The following COG8 variants were observed in gnomAD, a reference collection of about 807,000 sequenced individuals.
COG8 encodes component of oligomeric golgi complex 8.
A neutral mutation model predicts 46.5 loss-of-function variants in COG8; 45 were observed. The ratio of observed to expected loss-of-function variants is 0.97; its 90% CI spans 0.76 to 1.24. COG8 has a LOEUF of 1.24. Ranked by LOEUF, COG8 falls within the 50% of genes most tolerant of loss-of-function variation. COG8 has a pLI of 0.00. For missense variants in COG8, 793 were observed against 820.8 expected, an observed-to-expected ratio of 0.97 and a Z score of 0.41; for synonymous variants, 407 against 347.8, an observed-to-expected ratio of 1.17 and a Z score of -1.90.
intron 5 of COG8, chr16:69,330,133 C>T (rs770141069): frequency 7.6e-6 from 12 of 1,570,956 alleles, no homozygotes; most frequent in South Asian, 6.9e-5. Context: ...GGGGGAAGGG[C>T]TCCATTTGGC....
At chr16:69,339,064 G>A in intron 1 of COG8, 112 bp downstream of exon 1, 2 of 1,450,138 alleles carry the variant, frequency 1.4e-6, no homozygotes, top group Non-Finnish European at 1.9e-6. Context: ...TTAATAAAGC[G>A]CTCAGCAGAG....
chr16:69,331,487 A>AG (rs946990476), intron 4 of COG8, among the ~76,000 whole-genome samples: 1 of 148,390 alleles, frequency 6.7e-6, no homozygotes, highest in African/African-American at 2.5e-5. Flanking sequence ...AGGAAATTTA[A>AG]GGGAAAAAAA....
At position 69,336,488 on chromosome 16, in the gene COG8, C is replaced by G. The variant is rs935020566; in HGVS notation, c.585+17G>C. ...ACAAGAACATTACTTTGAGTCCTCT[C>G]TGGGCAAGGTGGCTACCTGGATGAC... is the stretch of plus-strand genomic sequence containing the variant. On this transcript the variant is annotated intron_variant, in intron 2 of 5. Coordinates refer to ENST00000306875, the MANE Select transcript of COG8 (RefSeq NM_032382.5). 33 of 1,612,756 alleles carry G rather than the reference C, an allele frequency of 2.0e-5. No individual in the cohort carries two copies. The highest frequency in any genetic ancestry group is 4.5e-5 in the East Asian group (2 of 44,890).
In COG8 at chr16:69,336,722, AT is replaced by A; in HGVS notation, c.378-11del. 6.2e-7 allele frequency: 1 copy of A among 1,612,850 alleles called. No individual in the cohort carries two copies. Among genetic ancestry groups the A allele is most frequent in the Non-Finnish European group, 8.5e-7 (1 of 1,178,964 alleles). On this transcript the variant is annotated splice_polypyrimidine_tract_variant and intron_variant, in intron 1 of 5. Transcript: ENST00000306875. The stretch of plus-strand genomic sequence containing the variant: ...TTCCTTCACAAAGTTCCTAGTAATA[AT>A]CAGAAGAATGTTGATCCTTCACTGC...
chr16:69,337,975 G>A (rs986616007), intron 1 of COG8, among the ~76,000 whole-genome samples: 2 of 152,070 alleles, frequency 1.3e-5, no homozygotes, highest in Non-Finnish European at 2.9e-5. Context: ...CTCGTGATCC[G>A]CCTGCCTTGG....
chr16:69,332,307 GCCA>G (rs1222558187), intron 4 of COG8, among the ~76,000 whole-genome samples: 17 of 151,884 alleles, frequency 1.1e-4, no homozygotes, highest in African/African-American at 4.1e-4. Context: ...CCAAGACTGT[GCCA>G]CTGCACTCCA....
chr16:69,329,684 T>C (rs971825686), intron 5 of COG8, among the ~76,000 whole-genome samples: 2 of 152,168 alleles, frequency 1.3e-5, no homozygotes, highest in African/African-American at 4.8e-5. Context: ...CCCCCACTTC[T>C]CCAACTCCAC....
At chr16:69,337,403 T>C (rs1164714596) in intron 1 of COG8, among the ~76,000 whole-genome samples, 1 of 151,254 alleles carries the variant, frequency 6.6e-6, no homozygotes, top group African/African-American at 2.4e-5. Flanking sequence ...AAAGTAAAAA[T>C]AGTAAAAGAG....
intron 5 of COG8, 47 bp from the exon 6 acceptor site, chr16:69,329,226 A>G (rs1274181361): frequency 6.6e-7 from 1 of 1,514,222 alleles, no homozygotes; most frequent in Non-Finnish European, 8.8e-7. Context: ...GCTGAACTGC[A>G]TCATCCTCAA....
chr16:69,337,470 C>T (rs932023399), intron 1 of COG8, among the ~76,000 whole-genome samples: 2 of 152,250 alleles, frequency 1.3e-5, no homozygotes, highest in South Asian at 2.1e-4. Flanking sequence ...GCACTAACTG[C>T]CTAGAATCCA....
Position 69,335,302 on chromosome 16 carries a change from T to C in COG8, c.632A>G (p.Gln211Arg). 6.2e-7 allele frequency: 1 copy of C among 1,610,820 alleles called. No individual in the cohort carries two copies. Among genetic ancestry groups the C allele is most frequent in the Non-Finnish European group, 8.5e-7 (1 of 1,179,528 alleles). Residue 211 changes from glutamine (Q) to arginine (R), a missense_variant, in exon 3 of 6, where the codon CAG (glutamine) becomes CGG (arginine). Gln to Arg is a conservative substitution (Grantham distance 43). Coordinates refer to ENST00000306875, the MANE Select transcript of COG8 (RefSeq NM_032382.5). ...GTTGGTCCTCAGTTGCTGGATCAGCTGGCTCAGCATCAGCTGCATGGACTG... is the reference window on the plus strand; with the variant it reads ...GTTGGTCCTCAGTTGCTGGATCAGCCGGCTCAGCATCAGCTGCATGGACTG... Reference protein sequence around the residue: ...VRQSMQLMLSQLIQQLRTNIQ... With the variant: ...VRQSMQLMLSRLIQQLRTNIQ...
At chr16:69,333,976 C>T (rs78258413) in intron 3 of COG8, among the ~76,000 whole-genome samples, 2,111 of 152,316 alleles carry the variant, frequency 0.014, 49 homozygotes, top group African/African-American at 0.049. Flanking sequence ...GAGAGTAGCT[C>T]TCCTGCTGGC....
chr16:69,332,728 A>G lies in COG8; in HGVS notation c.1568T>C (p.Ile523Thr), dbSNP rs755033921. Residue 523 changes from isoleucine to threonine, a missense_variant, in exon 4 of 6, where the codon ATA becomes ACA. Transcript: ENST00000306875. ...CATTCTCTTACCTAAAGTCTGTGCT[A>G]TCTGAGCTGGTGGAAAAAGGACTTG... ...CLQVLFPPAQ[I>T]AQTLGIPPTQ... The G allele has an allele frequency of 3.7e-6, 6 of 1,613,976 alleles. No individual in the cohort carries two copies. In the Admixed American group the frequency reaches 6.7e-5, roughly 18 times the overall value.
At chr16:69,330,021 G>GGGGCACGCAGGCCAGGAAGCC in intron 5 of COG8, 6 of 1,541,384 alleles carry the variant, frequency 3.9e-6, no homozygotes, top group Non-Finnish European at 5.2e-6. Context: ...GCCTGGAAGC[G>GGGGCACGCAGGCCAGGAAGCC]GGGCACGCAG....
chr16:69,336,093 C>CT (rs1463613028), intron 2 of COG8, among the ~76,000 whole-genome samples: 1 of 152,158 alleles, frequency 6.6e-6, no homozygotes, highest in Non-Finnish European at 1.5e-5. Context: ...CTGGCACCTC[C>CT]TTCTCATTTA....
intron 1 of COG8, among the ~76,000 whole-genome samples, chr16:69,337,018 G>A (rs1411365767): frequency 6.6e-6 from 1 of 152,152 alleles, no homozygotes; most frequent in African/African-American, 2.4e-5. Flanking sequence ...GGTATATAGG[G>A]CCAGGCGCAG....
chr16:69,329,008 C>A lies in COG8; in HGVS notation c.*198G>T. The A allele has an allele frequency of 6.2e-7, 1 of 1,600,396 alleles. No homozygotes were observed. The highest frequency in any genetic ancestry group is 1.1e-5 in the South Asian group (1 of 88,996). On this transcript the variant is annotated 3_prime_UTR_variant, in exon 6 of 6. Coordinates refer to ENST00000306875, the MANE Select transcript of COG8 (RefSeq NM_032382.5). Reference sequence around the variant, plus strand: ...GTCTTGGTATCCGGAATCCTCAGCCCCAGTAGCAAAGCTTTAGTCATTCAC... The same window carrying A: ...GTCTTGGTATCCGGAATCCTCAGCCACAGTAGCAAAGCTTTAGTCATTCAC...
Position 69,331,012 on chromosome 16 carries a change from G to A in COG8, c.1666C>T (p.Leu556=), listed in dbSNP as rs1322293570. The A allele has an allele frequency of 3.1e-6, 5 of 1,612,612 alleles. No individual in the cohort carries two copies. The highest frequency in any genetic ancestry group is 2.2e-5 in the East Asian group (1 of 44,866). ...GAIQEPLAFI[L]PKRETLFTLD... Reference sequence around the variant, plus strand: ...GTGAAAAGCGTCTCTCTCTTTGGCAGGATAAAGGCGAGGGGCTCCTGAATG... The same window carrying A: ...GTGAAAAGCGTCTCTCTCTTTGGCAAGATAAAGGCGAGGGGCTCCTGAATG... The change falls in exon 5 of 6, where the codon CTG becomes TTG. Residue 556 remains leucine, a synonymous_variant. Coordinates refer to ENST00000306875, the MANE Select transcript of COG8 (RefSeq NM_032382.5).
intron 3 of COG8, among the ~76,000 whole-genome samples, chr16:69,333,502 C>T (rs547603228): frequency 6.6e-6 from 1 of 152,260 alleles, no homozygotes; most frequent in South Asian, 2.1e-4. Context: ...GGAGGACCAA[C>T]CAGAACTGTG....
Sources: allele counts gnomAD v4.1 joint callset (sites outside exome capture counted in the v4.1 genomes callset), GRCh38; gene constraint gnomAD v4.1.1; transcripts MANE v1.5; gene names NCBI Gene and HGNC (gene_info 2026-07-23, HGNC 2026-07-21).